The following SNX29 variants were observed in gnomAD, a reference collection of about 807,000 sequenced individuals.
The protein encoded by SNX29 is sorting nexin-29.
Under a neutral mutation model 102.1 loss-of-function variants are expected in SNX29, and 78 were observed. The observed-to-expected ratio is 0.76, with a 90% CI of 0.64 to 0.92. The LOEUF is 0.92. SNX29 is among the 40% of genes least tolerant of loss of function. The pLI is 0.00. For missense variants in SNX29, 1,280 were observed against 1,061.7 expected (o/e 1.21, Z -2.86); for synonymous variants, 580 against 414.5 (o/e 1.40, Z -4.85).
intron 14 of SNX29, among the ~76,000 whole-genome samples, chr16:12,258,823 G>A (rs182420607): frequency 1.1e-3 from 171 of 152,300 alleles, no homozygotes; most frequent in Non-Finnish European, 1.6e-3. Context: ...AGTGTGGAGA[G>A]CGTTGTTATT....
At chr16:12,418,522 C>CTT (rs35098603) in intron 18 of SNX29, among the ~76,000 whole-genome samples, 71,150 of 148,140 alleles carry the variant, frequency 0.48, 17,941 homozygotes, top group Non-Finnish European at 0.57. Flanking sequence ...GTTTTCTTTT[C>CTT]TTTTTTTTTT....
At chr16:12,274,263 T>G (rs1004108418) in intron 14 of SNX29, among the ~76,000 whole-genome samples, 1 of 152,222 alleles carries the variant, frequency 6.6e-6, no homozygotes, top group African/African-American at 2.4e-5. Context: ...TGTTGCTGTT[T>G]AGAAACCCTA....
At chr16:12,408,734 C>G (rs1419877422) in intron 18 of SNX29, among the ~76,000 whole-genome samples, 1 of 152,174 alleles carries the variant, frequency 6.6e-6, no homozygotes, top group Admixed American at 6.5e-5. Context: ...GCAGGAGACT[C>G]ACTTAAACCT....
intron 20 of SNX29, among the ~76,000 whole-genome samples, chr16:12,540,470 C>T (rs57928346): frequency 0.19 from 28,486 of 152,246 alleles, 3,509 homozygotes; most frequent in African/African-American, 0.34. Context: ...TCTTACTAGG[C>T]TACAGTCAAG....
At chr16:12,420,286 A>G (rs959537620) in intron 18 of SNX29, among the ~76,000 whole-genome samples, 4 of 152,254 alleles carry the variant, frequency 2.6e-5, no homozygotes, top group Non-Finnish European at 5.9e-5. Context: ...GAATGAGTTG[A>G]TAGCCCATTA....
At chr16:12,470,858 T>G (rs1164687838) in intron 18 of SNX29, among the ~76,000 whole-genome samples, 4 of 152,222 alleles carry the variant, frequency 2.6e-5, no homozygotes, top group Admixed American at 1.3e-4. Context: ...TATTAACAGC[T>G]GCCATTGCTT....
intron 18 of SNX29, among the ~76,000 whole-genome samples, chr16:12,460,881 A>G (rs950948155): frequency 5.3e-5 from 8 of 151,982 alleles, no homozygotes; most frequent in African/African-American, 1.7e-4. Flanking sequence ...CTGGTCTCGA[A>G]CGCCTGACCT....
intron 16 of SNX29, among the ~76,000 whole-genome samples, chr16:12,366,343 ATC>A (rs2082481287): frequency 6.6e-6 from 1 of 152,222 alleles, no homozygotes; most frequent in Admixed American, 6.5e-5. Context: ...CCTGAGGAAC[ATC>A]TTCTCTAAGA....
chr16:12,537,543 T>C (rs551587389), intron 20 of SNX29, among the ~76,000 whole-genome samples: 2 of 152,340 alleles, frequency 1.3e-5, no homozygotes, highest in African/African-American at 4.8e-5. Flanking sequence ...TTACCTACTA[T>C]GGAGCTTCTC....
chr16:12,227,899 T>TAAAAAAA lies in SNX29; in HGVS notation c.1678+28237_1678+28243dup, dbSNP rs59381762. On this transcript the variant is annotated intron_variant, in intron 14 of 20. Coordinates refer to ENST00000566228, the MANE Select transcript of SNX29 (RefSeq NM_032167.5). ...TGGGCAACAGAGCGAGACTCTGTCTTAAAAAAAAAAAAAAAAAAAAAAAAA... is the reference window on the plus strand; with the variant it reads ...TGGGCAACAGAGCGAGACTCTGTCTTAAAAAAAAAAAAAAAAAAAAAAAAAAAAAAAA... Among the ~76,000 whole-genome samples the TAAAAAAA allele has an allele frequency of 2.8e-5, 2 of 71,558 alleles. 1 individual carries two copies. The highest frequency in any genetic ancestry group is 1.2e-4 in the African/African-American group (2 of 16,240). The allele number at this position is 71,558 out of a possible 152,430, so 46.9% of individuals were successfully genotyped here.
chr16:12,218,283 T>C (rs1200052559), intron 14 of SNX29, among the ~76,000 whole-genome samples: 1 of 152,096 alleles, frequency 6.6e-6, no homozygotes, highest in Non-Finnish European at 1.5e-5. Flanking sequence ...CTCCCGATGC[T>C]ACCCTTTTTA....
intron 20 of SNX29, among the ~76,000 whole-genome samples, chr16:12,563,486 G>T (rs1567210818): frequency 1.3e-5 from 2 of 152,312 alleles, no homozygotes; most frequent in East Asian, 3.9e-4. Flanking sequence ...CAAGGAATAG[G>T]GCTATTAAAA....
chr16:12,078,346 G>A (rs146640204), intron 10 of SNX29, among the ~76,000 whole-genome samples: 2,252 of 151,774 alleles, frequency 0.015, 58 homozygotes, highest in African/African-American at 0.051. Flanking sequence ...GTGGTGGTGC[G>A]GGCCTGTAAT....
chr16:12,426,340 G>T (rs1013704047), intron 18 of SNX29, among the ~76,000 whole-genome samples: 3 of 152,142 alleles, frequency 2.0e-5, no homozygotes, highest in South Asian at 2.1e-4. Flanking sequence ...CCTGGCAGGG[G>T]GGTAAGAGAC....
rs749158781 is a variant in SNX29, at chr16:12,572,465, A to C, written c.*3836A>C. 49 of 1,063,462 alleles carry C rather than the reference A, an allele frequency of 4.6e-5. No homozygotes were observed. Among genetic ancestry groups the C allele is most frequent in the Non-Finnish European group, 5.1e-5 (45 of 878,160 alleles). 65.9% of individuals were successfully genotyped at this position (1,063,462 alleles called of 1,614,324 possible). On this transcript the variant is annotated 3_prime_UTR_variant, in exon 21 of 21. Coordinates refer to ENST00000566228, the MANE Select transcript of SNX29 (RefSeq NM_032167.5). ...TGGTTCTGCATGGTACATTTTGCCA[A>C]CCCTGAGGACCAGTTCTTGGGGTTC...
chr16:12,332,324 G>C (rs916074646), intron 15 of SNX29, among the ~76,000 whole-genome samples: 12 of 152,118 alleles, frequency 7.9e-5, no homozygotes, highest in African/African-American at 2.7e-4. Flanking sequence ...GTTGCATCTG[G>C]CTTTCCCCTG....
chr16:12,253,442 A>G (rs2078478997), intron 14 of SNX29, among the ~76,000 whole-genome samples: 1 of 152,216 alleles, frequency 6.6e-6, no homozygotes, highest in South Asian at 2.1e-4. Flanking sequence ...CTGATAATTG[A>G]TATGGAACAA....
At chr16:12,153,122 G>A (rs1159928289) in intron 13 of SNX29, among the ~76,000 whole-genome samples, 2 of 152,212 alleles carry the variant, frequency 1.3e-5, no homozygotes, top group Non-Finnish European at 2.9e-5. Context: ...AAAGAGCTGG[G>A]CACTGTGGCT....
At chr16:12,434,132 C>G (rs1288180917) in intron 18 of SNX29, among the ~76,000 whole-genome samples, 1 of 152,198 alleles carries the variant, frequency 6.6e-6, no homozygotes, top group East Asian at 1.9e-4. Flanking sequence ...AGAGTTTGGA[C>G]TATGGATTGA....
Sources: gnomAD v4.1 joint callset for allele counts (sites outside exome capture counted in the v4.1 genomes callset) on GRCh38, gnomAD v4.1.1 for gene constraint, MANE v1.5 for transcripts, NCBI Gene and HGNC (gene_info 2026-07-23, HGNC 2026-07-21) for gene names.